Variants in ADAMTS9 observed in about 807,000 individuals in gnomAD.
ADAMTS9 encodes the protein ADAM metallopeptidase with thrombospondin type 1 motif 9.
In ADAMTS9, 107 loss-of-function variants were observed where a neutral mutation model predicts 257.1. The ratio of observed to expected loss-of-function variants is 0.42; its 90% CI spans 0.36 to 0.49. The LOEUF (loss-of-function observed/expected upper bound fraction) is 0.49. Among genes scored for constraint, ADAMTS9 ranks in the 20% least tolerant of loss-of-function variants. The probability of loss-of-function intolerance (pLI) is 0.03; values close to 1 mark genes in which losing one functional copy is unlikely to be tolerated. For missense variants in ADAMTS9, 2,353 were observed against 2,469.1 expected (o/e 0.95, Z 1.00); for synonymous variants, 982 against 880.9 (o/e 1.11, Z -2.03).
chr3:64,564,279 G>T (rs957917512), intron 29 of ADAMTS9, among the ~76,000 whole-genome samples: 1 of 152,122 alleles, frequency 6.6e-6, no homozygotes, highest in Non-Finnish European at 1.5e-5. Flanking sequence ...CTAGTATGCA[G>T]AACTCACCAA....
rs187748618 is a variant in ADAMTS9, at chr3:64,570,925, T to C, written c.4357-2390A>G. ...GGAAATGAGTTGAACTTAAAGGATA[T>C]AGAATCATGGGTGGTAAAATTTGCT... On this transcript the variant is annotated intron_variant, in intron 28 of 39. Coordinates refer to ENST00000498707, the MANE Select transcript of ADAMTS9 (RefSeq NM_182920.2). 1.3e-3 allele frequency among the ~76,000 whole-genome samples: 200 copies of C among 152,058 alleles called. 1 individual carries two copies. The highest frequency in any genetic ancestry group is 4.6e-3 in the African/African-American group (192 of 41,456).
intron 39 of ADAMTS9, 119 bp downstream of exon 39, chr3:64,522,047 T>A (rs1200716408): frequency 2.6e-6 from 2 of 771,360 alleles, no homozygotes; most frequent in Non-Finnish European, 4.3e-6. Context: ...TAGAACTGTA[T>A]TGGGTCAGCT....
chr3:64,561,782 T>C, intron 29 of ADAMTS9, 31 bp from the exon 30 acceptor site: 1 of 1,218,374 alleles, frequency 8.2e-7, no homozygotes, highest in South Asian at 1.3e-5. Flanking sequence ...AGTGGGAGCT[T>C]CGGCTCATTT....
chr3:64,530,475 G>A (rs1370093933), intron 38 of ADAMTS9, among the ~76,000 whole-genome samples: 1 of 149,192 alleles, frequency 6.7e-6, no homozygotes, highest in African/African-American at 2.5e-5. Flanking sequence ...ACAGGCCCTG[G>A]AGATTAATTT....
chr3:64,652,130 AT>A lies in ADAMTS9; in HGVS notation c.1317-968del, dbSNP rs1700946594. Among the ~76,000 whole-genome samples, 5 of 152,318 alleles carry A rather than the reference AT, an allele frequency of 3.3e-5. No individual in the cohort carries two copies. In the South Asian group the frequency reaches 1.0e-3, roughly 32 times the overall value. On this transcript the variant is annotated intron_variant, in intron 8 of 39. Coordinates refer to ENST00000498707, the MANE Select transcript of ADAMTS9 (RefSeq NM_182920.2). ...CTCTCTGGATGACTATCCCCAATGC[AT>A]GTAATTAATTTAGCATTGAGAGAGA...
At chr3:64,610,692 G>A (rs1013364625) in intron 22 of ADAMTS9, among the ~76,000 whole-genome samples, 6 of 152,030 alleles carry the variant, frequency 3.9e-5, no homozygotes, top group South Asian at 2.1e-4. Context: ...CAATTTTGGC[G>A]AGGATGTGGA....
At chr3:64,551,832 A>G (rs1463188609) in intron 30 of ADAMTS9, among the ~76,000 whole-genome samples, 1 of 152,220 alleles carries the variant, frequency 6.6e-6, no homozygotes, top group African/African-American at 2.4e-5. Context: ...CCAGGAAAGC[A>G]TAAAGGAAAG....
intron 25 of ADAMTS9, among the ~76,000 whole-genome samples, chr3:64,603,177 C>T (rs2084496676): frequency 6.6e-6 from 1 of 152,208 alleles, no homozygotes; most frequent in Non-Finnish European, 1.5e-5. Context: ...CACACTGAGA[C>T]TCATGGACTT....
intron 8 of ADAMTS9, 48 bp from the exon 9 acceptor site, chr3:64,651,211 T>C: frequency 6.7e-7 from 1 of 1,490,994 alleles, no homozygotes; most frequent in Non-Finnish European, 8.9e-7. Context: ...CACCAAGGGA[T>C]CATGCTGTTC....
chr3:64,589,177 G>T (rs916423199), intron 28 of ADAMTS9: 2 of 152,080 alleles, frequency 1.3e-5, no homozygotes, highest in Admixed American at 6.6e-5. Context: ...GGAATATTTT[G>T]CCATTCCCTA....
intron 2 of ADAMTS9, among the ~76,000 whole-genome samples, chr3:64,682,680 C>T (rs1466342751): frequency 6.6e-6 from 1 of 152,224 alleles, no homozygotes; most frequent in African/African-American, 2.4e-5. Context: ...GCTGCATCCG[C>T]ATCAGCATCA....
At position 64,547,030 on chromosome 3, in the gene ADAMTS9, C is replaced by G. The variant is rs79453634; in HGVS notation, c.4870-78G>C. 1.0e-3 allele frequency: 1,268 copies of G among 1,265,414 alleles called. 13 individuals carry two copies. The African/African-American group carries it at 0.017, about 17-fold the overall frequency. The allele number at this position is 1,265,414 out of a possible 1,614,324, so 78.4% of individuals were successfully genotyped here. A position where few individuals can be genotyped will look rare whatever the true frequency, so the allele number is the denominator to read the frequency against. On this transcript the variant is annotated intron_variant, in intron 31 of 39. Coordinates refer to ENST00000498707, the MANE Select transcript of ADAMTS9 (RefSeq NM_182920.2). ...CACAATAGGCCCCTGACCTCCACACCAAGCGCTGACCGTGTGACTATGCTG... is the reference window on the plus strand; with the variant it reads ...CACAATAGGCCCCTGACCTCCACACGAAGCGCTGACCGTGTGACTATGCTG...
At chr3:64,630,659 G>A (rs916917712) in intron 16 of ADAMTS9, among the ~76,000 whole-genome samples, 2 of 152,168 alleles carry the variant, frequency 1.3e-5, no homozygotes, top group South Asian at 4.1e-4. Flanking sequence ...AGGAAAAATA[G>A]CTAATGCATG....
intron 30 of ADAMTS9, among the ~76,000 whole-genome samples, chr3:64,554,668 C>T (rs1253665370): frequency 1.3e-5 from 2 of 152,280 alleles, no homozygotes; most frequent in East Asian, 1.9e-4. Flanking sequence ...CAAGTAACAC[C>T]ACCAGCCTCC....
chr3:64,666,156 T>A (rs745960170), intron 3 of ADAMTS9, among the ~76,000 whole-genome samples: 2 of 152,206 alleles, frequency 1.3e-5, no homozygotes, highest in Non-Finnish European at 2.9e-5. Flanking sequence ...ATGTTTTAAA[T>A]GAGCTTCACT....
chr3:64,611,409 T>C (rs892578324), intron 22 of ADAMTS9, among the ~76,000 whole-genome samples: 4 of 152,168 alleles, frequency 2.6e-5, no homozygotes, highest in Admixed American at 2.6e-4. Context: ...ATGATTCCAT[T>C]TCTATGAAAT....
intron 28 of ADAMTS9, among the ~76,000 whole-genome samples, chr3:64,582,157 A>G (rs958316104): frequency 2.0e-5 from 3 of 152,110 alleles, no homozygotes; most frequent in Admixed American, 2.0e-4. Context: ...AATATATAGC[A>G]TTTGCCATCT....
At chr3:64,659,397 G>A (rs1701167717) in intron 3 of ADAMTS9, among the ~76,000 whole-genome samples, 1 of 151,520 alleles carries the variant, frequency 6.6e-6, no homozygotes, top group African/African-American at 2.4e-5. Flanking sequence ...GAACCCAGGA[G>A]GCAGAGCCTG....
At chr3:64,521,513 T>G (rs2082851311) in intron 39 of ADAMTS9, 1 of 152,214 alleles carries the variant, frequency 6.6e-6, no homozygotes, top group Non-Finnish European at 1.5e-5. Flanking sequence ...GCAGCACTAT[T>G]CACAATAGCA....
Sources: allele counts gnomAD v4.1 joint callset (sites outside exome capture counted in the v4.1 genomes callset), GRCh38; gene constraint gnomAD v4.1.1; transcripts MANE v1.5; gene names NCBI Gene and HGNC (gene_info 2026-07-23, HGNC 2026-07-21).